ACYP2: variants seen among roughly 807,000 people sequenced by gnomAD.
ACYP2 encodes the protein acylphosphatase-2.
Under a neutral mutation model 11.2 loss-of-function variants are expected in ACYP2, and 12 were observed. The ratio of observed to expected loss-of-function variants is 1.08; its 90% CI spans 0.69 to 1.74. The LOEUF is 1.74. Ranked by LOEUF, ACYP2 falls within the 40% of genes most tolerant of loss-of-function variation. The pLI is 0.00. For missense variants in ACYP2, 134 were observed against 101.9 expected (o/e 1.31, Z -1.35); for synonymous variants, 43 against 32.2 (o/e 1.33, Z -1.13).
chr2:54,063,674 G>A (rs143202069), intron 4 of ACYP2, among the ~76,000 whole-genome samples: 3 of 152,334 alleles, frequency 2.0e-5, no homozygotes, highest in East Asian at 3.9e-4. Flanking sequence ...AGATGAGGGG[G>A]TGTTAAAGGA....
intron 2 of ACYP2, among the ~76,000 whole-genome samples, chr2:54,049,208 C>T (rs1215828895): frequency 6.6e-6 from 1 of 152,018 alleles, no homozygotes; most frequent in Non-Finnish European, 1.5e-5. Flanking sequence ...CTGCAGTGAG[C>T]CAAGATCGCG....
chr2:53,976,491 G>T (rs1174283654), intron 2 of ACYP2, among the ~76,000 whole-genome samples: 1 of 152,148 alleles, frequency 6.6e-6, no homozygotes, highest in Non-Finnish European at 1.5e-5. Flanking sequence ...ACAGGGGTTA[G>T]CCACCACACC....
chr2:54,085,879 A>G (rs1238199203), intron 4 of ACYP2, among the ~76,000 whole-genome samples: 1 of 152,140 alleles, frequency 6.6e-6, no homozygotes, highest in Admixed American at 6.5e-5. Context: ...AAATATGTAT[A>G]TATATATATA....
chr2:54,108,949 T>C (rs1376311150), intron 4 of ACYP2, among the ~76,000 whole-genome samples: 1 of 152,246 alleles, frequency 6.6e-6, no homozygotes, highest in Non-Finnish European at 1.5e-5. Flanking sequence ...GAACTATTTC[T>C]GTAATACATT....
rs55705974 is a variant in ACYP2, at chr2:54,078,424, C to CAT, written c.277+21075_277+21076dup. Among the ~76,000 whole-genome samples the CAT allele has an allele frequency of 9.8e-3, 1,362 of 138,982 alleles. 25 individuals carry two copies. Among genetic ancestry groups the CAT allele is most frequent in the African/African-American group, 0.036 (1,290 of 35,898 alleles). 91.2% of individuals were successfully genotyped at this position (138,982 alleles called of 152,430 possible). ...ATATATGCGTACCATATATGGTACG[C>CAT]ATATATATATATGGAAACCAGCTCC... On this transcript the variant is annotated intron_variant, in intron 4 of 6. Coordinates refer to ENST00000607452, the MANE Select transcript of ACYP2 (RefSeq NM_001320586.2).
chr2:54,291,701 C>A (rs1689313265), intron 6 of ACYP2, among the ~76,000 whole-genome samples: 1 of 152,182 alleles, frequency 6.6e-6, no homozygotes, highest in Non-Finnish European at 1.5e-5. Context: ...AGATCTAGCC[C>A]ATGTGGCTCG....
rs1238032055 is a variant in ACYP2, at chr2:54,157,483, G to GT, written c.404+18742dup. 3.3e-5 allele frequency among the ~76,000 whole-genome samples: 5 copies of GT among 152,144 alleles called. No individual in the cohort carries two copies. The East Asian group carries it at 9.6e-4, about 29-fold the overall frequency. ...ATTACTGGGCATTCAGCTTTCTGCA[G>GT]TTTTTTTGCTATTATGAATCTCGTT... On this transcript the variant is annotated intron_variant, in intron 6 of 6. Transcript: ENST00000607452.
intron 4 of ACYP2, among the ~76,000 whole-genome samples, chr2:54,109,210 C>T (rs1435852088): frequency 6.6e-6 from 1 of 152,086 alleles, no homozygotes; most frequent in Non-Finnish European, 1.5e-5. Flanking sequence ...TGCACATATA[C>T]CATGGAATAC....
At chr2:54,201,324 C>T (rs535915075) in intron 6 of ACYP2, among the ~76,000 whole-genome samples, 17 of 152,108 alleles carry the variant, frequency 1.1e-4, no homozygotes, top group South Asian at 2.1e-4. Context: ...CCAGGATGGT[C>T]TCAATCTCCT....
chr2:54,155,806 G>T (rs186796629), intron 6 of ACYP2, among the ~76,000 whole-genome samples: 34 of 152,154 alleles, frequency 2.2e-4, no homozygotes, highest in Middle Eastern at 3.4e-3. Flanking sequence ...TTTCGCTTTT[G>T]ATTTCTTCTT....
chr2:54,046,281 C>T (rs902956847), intron 2 of ACYP2, among the ~76,000 whole-genome samples: 2 of 150,940 alleles, frequency 1.3e-5, no homozygotes, highest in African/African-American at 4.9e-5. Flanking sequence ...GAGTTCGAGA[C>T]CAGCCTGGCC....
At chr2:54,258,764 A>G (rs1687659716) in intron 6 of ACYP2, among the ~76,000 whole-genome samples, 1 of 152,188 alleles carries the variant, frequency 6.6e-6, no homozygotes, top group African/African-American at 2.4e-5. Context: ...TAAATTGGCT[A>G]TGGGATCTCT....
At chr2:54,196,235 C>T (rs1383494230) in intron 6 of ACYP2, among the ~76,000 whole-genome samples, 1 of 152,174 alleles carries the variant, frequency 6.6e-6, no homozygotes, top group Non-Finnish European at 1.5e-5. Flanking sequence ...CTCACTCTGT[C>T]AGCCAGGCTC....
intron 2 of ACYP2, among the ~76,000 whole-genome samples, chr2:53,980,788 G>A (rs1426790158): frequency 6.6e-6 from 1 of 150,948 alleles, no homozygotes. Context: ...CTTTCACTCT[G>A]TTGCCCAGGT....
At position 54,283,520 on chromosome 2, in the gene ACYP2, G is replaced by A. The variant is rs185786894; in HGVS notation, c.405-21168G>A. 5.3e-5 allele frequency among the ~76,000 whole-genome samples: 8 copies of A among 152,266 alleles called. No individual in the cohort carries two copies. In the East Asian group the frequency reaches 1.4e-3, roughly 26 times the overall value. On this transcript the variant is annotated intron_variant, in intron 6 of 6. Transcript: ENST00000607452. ...AATATTATTAAACCCATTTTACTCA[G>A]ATTAAGACCCTGAGACAGATTTAGA...
intron 2 of ACYP2, among the ~76,000 whole-genome samples, chr2:54,037,840 A>T (rs562672003): frequency 1.3e-5 from 2 of 152,356 alleles, no homozygotes; most frequent in South Asian, 4.1e-4. Flanking sequence ...ATATCAGAAG[A>T]TTGAAAATAT....
At chr2:54,042,998 G>A (rs1158175447) in intron 2 of ACYP2, among the ~76,000 whole-genome samples, 1 of 152,170 alleles carries the variant, frequency 6.6e-6, no homozygotes, top group Non-Finnish European at 1.5e-5. Context: ...TCCATGCGTA[G>A]CATGGCCACT....
intron 6 of ACYP2, among the ~76,000 whole-genome samples, chr2:54,190,879 TCCC>T (rs1684211206): frequency 6.6e-6 from 1 of 152,152 alleles, no homozygotes; most frequent in Non-Finnish European, 1.5e-5. Context: ...TACCCAGTAC[TCCC>T]TATATGAGCA....
chr2:54,250,026 G>A (rs1366079077), intron 6 of ACYP2, among the ~76,000 whole-genome samples: 1 of 151,470 alleles, frequency 6.6e-6, no homozygotes, highest in African/African-American at 2.4e-5. Flanking sequence ...CTGGTTTATG[G>A]CAGAGCCCCC....
Sources: allele counts gnomAD v4.1 joint callset (sites outside exome capture counted in the v4.1 genomes callset), GRCh38; gene constraint gnomAD v4.1.1; transcripts MANE v1.5; gene names NCBI Gene and HGNC (gene_info 2026-07-23, HGNC 2026-07-21).